The following PSD3 variants were observed in gnomAD, a reference collection of about 807,000 sequenced individuals.
PSD3 encodes PH and SEC7 domain-containing protein 3.
In PSD3, 49 loss-of-function variants were observed where a neutral mutation model predicts 105.5. That is an observed-to-expected ratio of 0.46 (90% confidence interval 0.37 to 0.59). PSD3 has a LOEUF of 0.59. Among genes scored for constraint, PSD3 ranks in the 20% least tolerant of loss-of-function variants. PSD3 has a pLI of 0.00. For missense variants in PSD3, 1,561 were observed against 1,263.8 expected, an observed-to-expected ratio of 1.24 and a Z score of -3.57; for synonymous variants, 557 against 457.8, an observed-to-expected ratio of 1.22 and a Z score of -2.77.
intron 2 of PSD3, among the ~76,000 whole-genome samples, chr8:18,927,680 C>G (rs182260096): frequency 6.6e-6 from 1 of 152,174 alleles, no homozygotes; most frequent in African/African-American, 2.4e-5. Context: ...CCTGAACACA[C>G]GTAGGAGAAA....
At chr8:18,921,609 G>C (rs1821026012) in intron 2 of PSD3, among the ~76,000 whole-genome samples, 1 of 152,158 alleles carries the variant, frequency 6.6e-6, no homozygotes, top group Admixed American at 6.6e-5. Context: ...AAAAATGGCA[G>C]GTTTCTGGGA....
chr8:18,536,078 T>A (rs1799829631), intron 15 of PSD3, 120 bp from the exon 16 acceptor site: 2 of 935,626 alleles, frequency 2.1e-6, no homozygotes, highest in Non-Finnish European at 3.2e-6. Flanking sequence ...TCGCTTCATT[T>A]CCCAAACTGA....
chr8:18,950,214 G>A (rs137991194), intron 1 of PSD3, among the ~76,000 whole-genome samples: 3 of 152,246 alleles, frequency 2.0e-5, no homozygotes, highest in East Asian at 3.9e-4. Flanking sequence ...CAAACTATTC[G>A]TTGAAAGCCA....
chr8:18,705,730 T>C (rs760160944), intron 9 of PSD3, among the ~76,000 whole-genome samples: 4 of 152,118 alleles, frequency 2.6e-5, no homozygotes, highest in Admixed American at 6.6e-5. Flanking sequence ...TTAAAGAAAG[T>C]GACATAGGCT....
chr8:18,875,597 C>T (rs978253183), intron 2 of PSD3, among the ~76,000 whole-genome samples: 9 of 151,472 alleles, frequency 5.9e-5, no homozygotes, highest in African/African-American at 1.9e-4. Flanking sequence ...AGTGCAGTGG[C>T]GCGATCTCGG....
At chr8:18,577,187 T>C (rs1311986932) in intron 12 of PSD3, among the ~76,000 whole-genome samples, 2 of 151,966 alleles carry the variant, frequency 1.3e-5, no homozygotes, top group Non-Finnish European at 2.9e-5. Flanking sequence ...TATCAAATAA[T>C]GTGCTTCTCA....
At chr8:18,726,194 T>C (rs979348206) in intron 9 of PSD3, among the ~76,000 whole-genome samples, 1 of 152,228 alleles carries the variant, frequency 6.6e-6, no homozygotes, top group Non-Finnish European at 1.5e-5. Context: ...AAAAATCATA[T>C]GAATCACTGG....
At chr8:18,817,035 G>C (rs1812273867) in intron 4 of PSD3, among the ~76,000 whole-genome samples, 1 of 152,192 alleles carries the variant, frequency 6.6e-6, no homozygotes, top group African/African-American at 2.4e-5. Flanking sequence ...GCCTGGGCAA[G>C]ATGGCGTTTG....
intron 8 of PSD3, among the ~76,000 whole-genome samples, chr8:18,771,094 T>C (rs1490712525): frequency 4.6e-5 from 7 of 152,184 alleles, no homozygotes; most frequent in Non-Finnish European, 8.8e-5. Context: ...CATCCAGCTG[T>C]AGTCTCCAAT....
chr8:19,004,013 G>A (rs960369443), intron 1 of PSD3, among the ~76,000 whole-genome samples: 2 of 152,016 alleles, frequency 1.3e-5, no homozygotes, highest in East Asian at 3.8e-4. Flanking sequence ...CAGAACCACT[G>A]TACCAGAATC....
At position 18,915,305 on chromosome 8, in the gene PSD3, C is replaced by T. The variant is rs1820511784; in HGVS notation, c.130+20729G>A. Among the ~76,000 whole-genome samples, 5 of 152,160 alleles carry T rather than the reference C, an allele frequency of 3.3e-5. No individual in the cohort carries two copies. In the South Asian group the frequency reaches 1.0e-3, roughly 32 times the overall value. On this transcript the variant is annotated intron_variant, in intron 2 of 15. Transcript: ENST00000327040. ...TAGGCCATGATTTTTTGGTATATAA[C>T]ACCAAAAACACAGGCAATGAAAGGC...
chr8:18,793,489 G>A (rs1016335845), intron 8 of PSD3, among the ~76,000 whole-genome samples: 7 of 151,604 alleles, frequency 4.6e-5, no homozygotes, highest in African/African-American at 1.7e-4. Flanking sequence ...TGACCTTAAA[G>A]TTAGAAATCA....
At chr8:18,920,830 G>C (rs536158801) in intron 2 of PSD3, among the ~76,000 whole-genome samples, 7 of 152,078 alleles carry the variant, frequency 4.6e-5, no homozygotes, top group African/African-American at 1.4e-4. Context: ...CCCAATCACT[G>C]TGATAACTAA....
intron 4 of PSD3, among the ~76,000 whole-genome samples, chr8:18,842,860 G>A (rs1338103247): frequency 6.6e-6 from 1 of 152,174 alleles, no homozygotes; most frequent in Non-Finnish European, 1.5e-5. Flanking sequence ...GAAGCCTCAT[G>A]CAATGTTAAG....
intron 4 of PSD3, among the ~76,000 whole-genome samples, chr8:18,839,071 C>G (rs902714843): frequency 6.6e-6 from 1 of 151,698 alleles, no homozygotes; most frequent in African/African-American, 2.4e-5. Flanking sequence ...AAAAAGGGAA[C>G]TAAAGCTCCA....
intron 1 of PSD3, among the ~76,000 whole-genome samples, chr8:18,951,253 G>A (rs1205370849): frequency 3.9e-5 from 6 of 152,156 alleles, no homozygotes; most frequent in Non-Finnish European, 7.4e-5. Flanking sequence ...AAAATAGCCA[G>A]GTGTGGTGGC....
chr8:18,590,123 T>A (rs1216166265), intron 12 of PSD3, among the ~76,000 whole-genome samples: 2 of 152,198 alleles, frequency 1.3e-5, no homozygotes, highest in Non-Finnish European at 2.9e-5. Context: ...AAGATCTGGG[T>A]GGACAAAGGA....
chr8:18,854,982 A>G lies in PSD3; in HGVS notation c.1634+12692T>C, dbSNP rs567279033. Among the ~76,000 whole-genome samples, 358 of 152,336 alleles carry G rather than the reference A, an allele frequency of 2.4e-3. 1 individual carries two copies. The highest frequency in any genetic ancestry group is 4.2e-3 in the Non-Finnish European group (289 of 68,030). On this transcript the variant is annotated intron_variant, in intron 4 of 15. Coordinates refer to ENST00000327040, the MANE Select transcript of PSD3 (RefSeq NM_015310.4). ...GCAACAACTGCCACAGAGGCATCCG[A>G]GAAACCAGGGACAGCAGGAGTTGAG...
intron 9 of PSD3, among the ~76,000 whole-genome samples, chr8:18,688,293 T>C (rs1800777872): frequency 6.6e-6 from 1 of 152,006 alleles, no homozygotes; most frequent in African/African-American, 2.4e-5. Context: ...AATAGGGTCT[T>C]GCTATGCTGT....
Sources: gnomAD v4.1 joint callset for allele counts (sites outside exome capture counted in the v4.1 genomes callset) on GRCh38, gnomAD v4.1.1 for gene constraint, MANE v1.5 for transcripts, NCBI Gene and HGNC (gene_info 2026-07-23, HGNC 2026-07-21) for gene names.